GSAP: variants seen among roughly 807,000 people sequenced by gnomAD.
GSAP encodes gamma-secretase activating protein, also known as gamma-secretase-activating protein.
A neutral mutation model predicts 131.7 loss-of-function variants in GSAP; 118 were observed. The ratio of observed to expected loss-of-function variants is 0.90; its 90% confidence interval spans 0.77 to 1.04. GSAP has a LOEUF of 1.04. Among genes scored for constraint, GSAP ranks in the 50% least tolerant of loss-of-function variants. GSAP has a pLI of 0.00. For synonymous variants in GSAP, 381 were observed against 363.4 expected (o/e 1.05, Z -0.55); for missense variants, 1,019 against 1,013.2 (o/e 1.01, Z -0.08).
At chr7:77,327,322 G>A (rs2293452) in intron 22 of GSAP, 51,148 of 152,346 alleles carry the variant, frequency 0.34, 9,105 homozygotes, top group East Asian at 0.47. Flanking sequence ...GACCAGCAAC[G>A]TTCCCCGTGT....
At chr7:77,355,078 C>T (rs945896197) in intron 16 of GSAP, 135 bp downstream of exon 16, 12 of 621,134 alleles carry the variant, frequency 1.9e-5, no homozygotes, top group Middle Eastern at 4.1e-4. Context: ...CAAAAGATGA[C>T]GATGTCAGCA....
intron 19 of GSAP, among the ~76,000 whole-genome samples, chr7:77,344,737 T>C (rs1186559941): frequency 6.6e-6 from 1 of 152,096 alleles, no homozygotes; most frequent in Admixed American, 6.6e-5. Flanking sequence ...CCTGACGAAG[T>C]CCTATTCTTT....
At chr7:77,390,672 G>A (rs903286332) in intron 5 of GSAP, among the ~76,000 whole-genome samples, 3 of 152,010 alleles carry the variant, frequency 2.0e-5, no homozygotes, top group Non-Finnish European at 4.4e-5. Context: ...GTTAATGGGT[G>A]CAGCACACCA....
chr7:77,380,010 G>A, intron 8 of GSAP: 4 of 622,950 alleles, frequency 6.4e-6, no homozygotes, highest in Non-Finnish European at 6.0e-6. Context: ...ACTAAATATT[G>A]AAGAAAATCA....
chr7:77,316,506 CA>C (rs1415048612), intron 26 of GSAP, among the ~76,000 whole-genome samples: 1 of 151,850 alleles, frequency 6.6e-6, no homozygotes, highest in Non-Finnish European at 1.5e-5. Flanking sequence ...TCCCTGAGTC[CA>C]AAAAAACTCC....
At chr7:77,399,677 T>G in intron 3 of GSAP, among the ~76,000 whole-genome samples, 1 of 143,384 alleles carries the variant, frequency 7.0e-6, no homozygotes, top group African/African-American at 2.6e-5. Flanking sequence ...TATTGCAGGG[T>G]GAGACCATTA....
At chr7:77,389,569 T>C (rs1205089919) in intron 5 of GSAP, among the ~76,000 whole-genome samples, 4 of 151,984 alleles carry the variant, frequency 2.6e-5, no homozygotes, top group Admixed American at 2.6e-4. Flanking sequence ...TTGCTGAGAA[T>C]GATGGTTTCC....
At chr7:77,404,969 A>G (rs1802006722) in intron 2 of GSAP, among the ~76,000 whole-genome samples, 1 of 151,810 alleles carries the variant, frequency 6.6e-6, no homozygotes, top group African/African-American at 2.4e-5. Context: ...AAACATTGTG[A>G]ATCACACAAT....
At chr7:77,409,322 A>C (rs887836187) in intron 1 of GSAP, among the ~76,000 whole-genome samples, 30 of 152,284 alleles carry the variant, frequency 2.0e-4, no homozygotes, top group African/African-American at 6.5e-4. Context: ...TCTCTTAATA[A>C]TAATAATAAG....
intron 5 of GSAP, among the ~76,000 whole-genome samples, chr7:77,387,850 A>C (rs1798815463): frequency 6.6e-6 from 1 of 152,258 alleles, no homozygotes; most frequent in Non-Finnish European, 1.5e-5. Flanking sequence ...AGAATTCTGC[A>C]TTTACAGAAA....
chr7:77,347,908 C>G (rs1412309697), intron 19 of GSAP, among the ~76,000 whole-genome samples: 1 of 150,930 alleles, frequency 6.6e-6, no homozygotes, highest in African/African-American at 2.4e-5. Flanking sequence ...TCCTAGCACT[C>G]TAAGAGGCTA....
intron 11 of GSAP, 34 bp from the exon 12 acceptor site, chr7:77,374,189 C>T: frequency 2.7e-6 from 3 of 1,100,442 alleles, no homozygotes; most frequent in Non-Finnish European, 4.1e-6. Flanking sequence ...TTATTGAATG[C>T]ATTTAAAAAT....
intron 14 of GSAP, among the ~76,000 whole-genome samples, chr7:77,359,073 GCT>G (rs1794167222): frequency 2.6e-5 from 4 of 152,188 alleles, no homozygotes; most frequent in African/African-American, 9.6e-5. Flanking sequence ...TGTAATCCCA[GCT>G]ACTTGGGAGG....
chr7:77,351,094 G>A (rs1192316450), intron 18 of GSAP: 4 of 966,988 alleles, frequency 4.1e-6, no homozygotes, highest in Non-Finnish European at 4.9e-6. Context: ...GAATATTCCT[G>A]TAAAAAAGGG....
At chr7:77,358,628 TA>T (rs1206798818) in intron 14 of GSAP, among the ~76,000 whole-genome samples, 5 of 152,208 alleles carry the variant, frequency 3.3e-5, no homozygotes, top group African/African-American at 9.6e-5. Flanking sequence ...TGCTATAAGA[TA>T]AAAATCAAAT....
chr7:77,392,941 C>T (rs1799816393), intron 5 of GSAP, among the ~76,000 whole-genome samples: 1 of 152,068 alleles, frequency 6.6e-6, no homozygotes, highest in African/African-American at 2.4e-5. Context: ...TGACTTGTGG[C>T]AAATGCAACT....
intron 16 of GSAP, 138 bp downstream of exon 16, chr7:77,355,075 T>C: frequency 1.6e-6 from 1 of 620,148 alleles, no homozygotes. Flanking sequence ...GCGCAAAAGA[T>C]GACGATGTCA....
chr7:77,386,643 G>T (rs1047717465), intron 6 of GSAP, among the ~76,000 whole-genome samples: 1 of 152,170 alleles, frequency 6.6e-6, no homozygotes, highest in Admixed American at 6.5e-5. Flanking sequence ...AGGAACACTA[G>T]ACGGTGCCTC....
At chr7:77,410,334 C>T (rs549827508) in intron 1 of GSAP, among the ~76,000 whole-genome samples, 4 of 152,294 alleles carry the variant, frequency 2.6e-5, no homozygotes, top group South Asian at 4.1e-4. Flanking sequence ...ATTAAGCCAT[C>T]GGCTCTTCCT....
Sources: gnomAD v4.1 joint callset for allele counts (sites outside exome capture counted in the v4.1 genomes callset) on GRCh38, gnomAD v4.1.1 for gene constraint, MANE v1.5 for transcripts, NCBI Gene and HGNC (gene_info 2026-07-23, HGNC 2026-07-21) for gene names.